The following DNAJC27 variants were observed in gnomAD, a reference collection of about 807,000 sequenced individuals.
The protein encoded by DNAJC27 is DnaJ heat shock protein family (Hsp40) member C27, also known as dnaJ homolog subfamily C member 27.
A neutral mutation model predicts 31.4 loss-of-function variants in DNAJC27; 25 were observed. That is an observed-to-expected ratio of 0.80 (90% CI 0.58 to 1.11). The LOEUF is 1.11. Among genes scored for constraint, DNAJC27 ranks in the 50% most tolerant of loss-of-function variants. The pLI is 0.00. For missense variants in DNAJC27, 356 were observed against 347.3 expected (o/e 1.02, Z -0.20); for synonymous variants, 106 against 112.7 (o/e 0.94, Z 0.37).
rs530498317 is a variant in DNAJC27, at chr2:24,968,510, A to AT, written c.88-1218dup. ...AATTTATTTATTTATTTATTTATTT[A>AT]TTATTATTATTTTTTTTGTAGAGAC... On this transcript the variant is annotated intron_variant, in intron 1 of 6. Transcript: ENST00000264711. 5.0e-3 allele frequency among the ~76,000 whole-genome samples: 758 copies of AT among 150,908 alleles called. 5 individuals are homozygous for AT. The highest frequency in any genetic ancestry group is 0.018 in the African/African-American group (720 of 41,044).
intron 2 of DNAJC27, among the ~76,000 whole-genome samples, chr2:24,964,194 G>C (rs1439554026): frequency 3.3e-5 from 5 of 151,960 alleles, no homozygotes; most frequent in Admixed American, 1.3e-4. Flanking sequence ...GCCGAGATGG[G>C]CGGATCATGA....
In DNAJC27 at chr2:24,967,287, T is replaced by C. The variant is rs761297832; in HGVS notation, c.94A>G (p.Ile32Val). ...CTTTTCTCACAGTATCGCTTTATAATACAGCTCTAAAAAGGTAAAAAATAC... is the reference window on the plus strand; with the variant it reads ...CTTTTCTCACAGTATCGCTTTATAACACAGCTCTAAAAAGGTAAAAAATAC... ...MGNAEVGKSC[I>V]IKRYCEKRFV... The change falls in exon 2 of 7, where the codon ATT becomes GTT. Residue 32 changes from isoleucine (I) to valine (V), a missense_variant. Transcript: ENST00000264711. 15 of 1,611,802 alleles carry C rather than the reference T, an allele frequency of 9.3e-6. No homozygotes were observed. The highest frequency in any genetic ancestry group is 3.3e-5 in the South Asian group (3 of 91,022).
Position 24,944,098 on chromosome 2 carries a change from T to C in DNAJC27, c.*3518A>G, listed in dbSNP as rs1314805940. 6.6e-6 allele frequency: 1 copy of C among 152,244 alleles called. No individual in the cohort carries two copies. Among genetic ancestry groups the C allele is most frequent in the Non-Finnish European group, 1.5e-5 (1 of 68,038 alleles). 9.4% of individuals were successfully genotyped at this position (152,244 alleles called of 1,614,324 possible). A position where few individuals can be genotyped will look rare whatever the true frequency, so the allele number is the denominator to read the frequency against. On this transcript the variant is annotated 3_prime_UTR_variant, in exon 7 of 7. Coordinates refer to ENST00000264711, the MANE Select transcript of DNAJC27 (RefSeq NM_016544.3). ...TCTCTTCACTTTGCAAAGCTTGCAA[T>C]GGAAAGTGGTTAGCTATATTTTGCA...
chr2:24,956,326 G>A (rs1665903729), intron 5 of DNAJC27, among the ~76,000 whole-genome samples: 1 of 152,198 alleles, frequency 6.6e-6, no homozygotes, highest in Non-Finnish European at 1.5e-5. Flanking sequence ...ATTAAGGGCT[G>A]ACTTTATAAG....
intron 2 of DNAJC27, among the ~76,000 whole-genome samples, chr2:24,965,500 C>T (rs1471877787): frequency 1.3e-5 from 2 of 152,122 alleles, no homozygotes; most frequent in African/African-American, 4.8e-5. Flanking sequence ...AGGTGATCTG[C>T]CTGCCTTGGC....
chr2:24,957,021 AAAC>A lies in DNAJC27; in HGVS notation c.528+19_528+21del, dbSNP rs1473093728. ...CACAGTGGCCTTGACACAAACCTTA[AAAC>A]AACAAAATGCTAGCTTACCTGGAAC... On this transcript the variant is annotated intron_variant, in intron 5 of 6. Coordinates refer to ENST00000264711, the MANE Select transcript of DNAJC27 (RefSeq NM_016544.3). 4.4e-6 allele frequency: 7 copies of A among 1,598,916 alleles called. No homozygotes were observed. Among genetic ancestry groups the A allele is most frequent in the Non-Finnish European group, 5.1e-6 (6 of 1,175,348 alleles).
At chr2:24,970,233 T>C (rs1666294112) in intron 1 of DNAJC27, among the ~76,000 whole-genome samples, 1 of 152,226 alleles carries the variant, frequency 6.6e-6, no homozygotes, top group African/African-American at 2.4e-5. Flanking sequence ...TGAATTTTTA[T>C]AATGTTTCTA....
At position 24,951,611 on chromosome 2, in the gene DNAJC27, T is replaced by C. The variant is rs1036080836; in HGVS notation, c.529-57A>G. 30 of 1,492,770 alleles carry C rather than the reference T, an allele frequency of 2.0e-5. No individual in the cohort carries two copies. The African/African-American group carries it at 3.1e-4, about 15-fold the overall frequency. The allele number at this position is 1,492,770 out of a possible 1,614,324, so 92.5% of individuals were successfully genotyped here. A position where few individuals can be genotyped will look rare whatever the true frequency, so the allele number is the denominator to read the frequency against. On this transcript the variant is annotated intron_variant, in intron 5 of 6. Transcript: ENST00000264711. The stretch of plus-strand genomic sequence containing the variant: ...ATGATTTTGTGAAAATAGGAATTCC[T>C]TTTAAGCATCAACTTAAAAGACTTT...
At chr2:24,964,848 C>T (rs1388561894) in intron 2 of DNAJC27, among the ~76,000 whole-genome samples, 1 of 152,104 alleles carries the variant, frequency 6.6e-6, no homozygotes, top group African/African-American at 2.4e-5. Flanking sequence ...AATAGGATGT[C>T]CTACTATATC....
chr2:24,952,120 A>C (rs371273289), intron 5 of DNAJC27, among the ~76,000 whole-genome samples: 167 of 152,324 alleles, frequency 1.1e-3, no homozygotes, highest in African/African-American at 3.6e-3. Context: ...TCTCAAAAAC[A>C]AACCAACCAA....
At chr2:24,964,748 A>G (rs1666137111) in intron 2 of DNAJC27, among the ~76,000 whole-genome samples, 1 of 152,238 alleles carries the variant, frequency 6.6e-6, no homozygotes, top group Non-Finnish European at 1.5e-5. Flanking sequence ...TCTGTTGACT[A>G]TACCATGGTC....
At chr2:24,968,111 A>G (rs1666236164) in intron 1 of DNAJC27, among the ~76,000 whole-genome samples, 1 of 152,218 alleles carries the variant, frequency 6.6e-6, no homozygotes, top group Admixed American at 6.5e-5. Context: ...TACTTGCAGT[A>G]AAAAGTACTC....
chr2:24,956,263 TAAG>T (rs1322310226), intron 5 of DNAJC27, among the ~76,000 whole-genome samples: 1 of 152,236 alleles, frequency 6.6e-6, no homozygotes. Context: ...GATATATTCA[TAAG>T]AAGAAAACTA....
chr2:24,960,389 T>C (rs1418555183), intron 3 of DNAJC27, among the ~76,000 whole-genome samples: 1 of 152,150 alleles, frequency 6.6e-6, no homozygotes, highest in Non-Finnish European at 1.5e-5. Flanking sequence ...GACAAAACAA[T>C]ATTGAAAGTA....
intron 2 of DNAJC27, among the ~76,000 whole-genome samples, chr2:24,964,702 T>C (rs942592077): frequency 3.3e-5 from 5 of 152,294 alleles, no homozygotes; most frequent in East Asian, 1.9e-4. Flanking sequence ...GGGACAAACA[T>C]CTCTTCCAAA....
chr2:24,951,986 A>C (rs562781408), intron 5 of DNAJC27, among the ~76,000 whole-genome samples: 33 of 152,204 alleles, frequency 2.2e-4, no homozygotes, highest in African/African-American at 7.9e-4. Context: ...GTGGTGGTGC[A>C]CGCCTGTAGT....
At chr2:24,956,405 C>A (rs898387875) in intron 5 of DNAJC27, among the ~76,000 whole-genome samples, 3 of 152,140 alleles carry the variant, frequency 2.0e-5, no homozygotes, top group African/African-American at 7.2e-5. Context: ...AAGTGGCCAT[C>A]TGTTCAGGTT....
chr2:24,965,438 T>C (rs896776658), intron 2 of DNAJC27, among the ~76,000 whole-genome samples: 3 of 151,734 alleles, frequency 2.0e-5, no homozygotes, highest in Non-Finnish European at 4.4e-5. Context: ...GTATTTTTAG[T>C]AGAGATAGGG....
At position 24,971,645 on chromosome 2, in the gene DNAJC27, T is replaced by C. The variant is rs2149134581; in HGVS notation, c.87+173A>G. The C allele has an allele frequency of 5.7e-6, 3 of 529,350 alleles. No homozygotes were observed. The East Asian group carries it at 1.0e-4, about 18-fold the overall frequency. 32.8% of individuals were successfully genotyped at this position (529,350 alleles called of 1,614,324 possible). On this transcript the variant is annotated intron_variant, in intron 1 of 6. Transcript: ENST00000264711. ...GGAGGACGAGGGGGCAACGGAAAGG[T>C]CAAAAAGGTCGGGGAGTTTCGTTCG...
Sources: allele counts gnomAD v4.1 joint callset (sites outside exome capture counted in the v4.1 genomes callset), GRCh38; gene constraint gnomAD v4.1.1; transcripts MANE v1.5; gene names NCBI Gene and HGNC (gene_info 2026-07-23, HGNC 2026-07-21).